The following ZFHX3 variants were observed in gnomAD, a reference collection of about 807,000 sequenced individuals.
ZFHX3 encodes zinc finger homeobox 3, also known as zinc finger homeobox protein 3.
In ZFHX3, 42 loss-of-function variants were observed where a neutral mutation model predicts 279.1. That is an observed-to-expected ratio of 0.15 (90% CI 0.12 to 0.19). The LOEUF (loss-of-function observed/expected upper bound fraction) is 0.19. Ranked by LOEUF, ZFHX3 falls within the 10% of genes least tolerant of loss-of-function variation. ZFHX3 has a pLI of 1.00. For synonymous variants in ZFHX3, 2,293 were observed against 1,957.8 expected (o/e 1.17, Z -4.52); for missense variants, 4,981 against 4,754.0 (o/e 1.05, Z -1.40).
chr16:72,997,506 TCTC>T (rs1259453043), intron 1 of ZFHX3, among the ~76,000 whole-genome samples: 4 of 152,210 alleles, frequency 2.6e-5, no homozygotes, highest in South Asian at 2.1e-4. Context: ...TACACATCTG[TCTC>T]CTCACTTTCC....
chr16:72,890,054 G>T, intron 3 of ZFHX3, 92 bp from the exon 4 acceptor site: 1 of 1,190,806 alleles, frequency 8.4e-7, no homozygotes, highest in Non-Finnish European at 1.2e-6. Flanking sequence ...ACAGCCAGAG[G>T]CATGCCTCCA....
chr16:72,797,038 T>C lies in ZFHX3; in HGVS notation c.5644A>G (p.Ile1882Val). 1 of 1,614,152 alleles carries C rather than the reference T, an allele frequency of 6.2e-7. No homozygotes were observed. The highest frequency in any genetic ancestry group is 8.5e-7 in the Non-Finnish European group (1 of 1,180,038). Residue 1882 changes from isoleucine (I) to valine (V), a missense_variant, in exon 9 of 10, where the codon ATC becomes GTC. Transcript: ENST00000268489. ...TGGCTTTCTTTTTCCTTTTCTTTGA[T>C]GACCAATTTGTTCTTCTTTTCGGGG... The part of the protein sequence containing the change: ...QHPEKKNKLV[I>V]KEKEKESQRE...
At chr16:72,946,239 C>G (rs1960668026) in intron 3 of ZFHX3, among the ~76,000 whole-genome samples, 1 of 152,154 alleles carries the variant, frequency 6.6e-6, no homozygotes, top group Non-Finnish European at 1.5e-5. Flanking sequence ...TACCTCAGGC[C>G]AAGCAGAGTT....
Position 73,077,555 on chromosome 16 carries a change from G to GA in ZFHX3, c.-533+15679dup, listed in dbSNP as rs758871684. Among the ~76,000 whole-genome samples the GA allele has an allele frequency of 4.2e-3, 591 of 139,398 alleles. 6 individuals are homozygous for GA. The highest frequency in any genetic ancestry group is 0.012 in the African/African-American group (466 of 38,204). 91.5% of individuals were successfully genotyped at this position (139,398 alleles called of 152,430 possible). On this transcript the variant is annotated intron_variant, in intron 8 of 17. Coordinates refer to the ZFHX3 transcript ENST00000641206. ...CTTTATCCTGCAAAAAATCTGCTTA[G>GA]AAAAAAAAAAAGGCATATCTACTAG...
chr16:73,043,847 C>T (rs1371091300), intron 1 of ZFHX3, among the ~76,000 whole-genome samples: 1 of 152,230 alleles, frequency 6.6e-6, no homozygotes, highest in Non-Finnish European at 1.5e-5. Flanking sequence ...ATCAATCTGG[C>T]AGTCAACTTT....
At chr16:73,165,231 G>A (rs1053578332) in intron 5 of ZFHX3, among the ~76,000 whole-genome samples, 1 of 152,166 alleles carries the variant, frequency 6.6e-6, no homozygotes, top group Non-Finnish European at 1.5e-5. Flanking sequence ...ACCCCAACCC[G>A]GATGCAAAAC....
intron 5 of ZFHX3, chr16:73,144,430 C>T (rs1423505763): frequency 2.2e-4 from 33 of 152,220 alleles, no homozygotes; most frequent in Admixed American, 2.1e-3. Flanking sequence ...TATCTGGAAT[C>T]AATATCTTTA....
At chr16:73,549,858 T>C (rs777257585) in intron 2 of ZFHX3, among the ~76,000 whole-genome samples, 3 of 151,864 alleles carry the variant, frequency 2.0e-5, no homozygotes, top group Non-Finnish European at 4.4e-5. Context: ...ACATTTGATA[T>C]AGAGACTGAT....
chr16:73,166,821 T>G (rs1193519444), intron 5 of ZFHX3, among the ~76,000 whole-genome samples: 1 of 152,204 alleles, frequency 6.6e-6, no homozygotes. Context: ...CTTAAGTGAT[T>G]TGAGCCTTTT....
intron 2 of ZFHX3, among the ~76,000 whole-genome samples, chr16:73,511,528 C>T (rs532802552): frequency 7.7e-4 from 117 of 152,264 alleles, no homozygotes; most frequent in African/African-American, 2.1e-3. Context: ...CCTTAGGAAA[C>T]GGTCATTACA....
intron 5 of ZFHX3, among the ~76,000 whole-genome samples, chr16:73,231,389 A>G (rs1262325763): frequency 6.6e-6 from 1 of 152,208 alleles, no homozygotes; most frequent in Non-Finnish European, 1.5e-5. Flanking sequence ...GCTTAGCTGA[A>G]CTGCTCAAGA....
At chr16:72,981,877 C>CT (rs34508059) in intron 1 of ZFHX3, among the ~76,000 whole-genome samples, 1,308 of 130,690 alleles carry the variant, frequency 0.01, 17 homozygotes, top group Non-Finnish European at 0.013. Context: ...ACACATTTTC[C>CT]TTTTTTTTTT....
At chr16:73,188,866 CTTT>C (rs67553147) in intron 5 of ZFHX3, among the ~76,000 whole-genome samples, 8 of 138,788 alleles carry the variant, frequency 5.8e-5, no homozygotes, top group Admixed American at 1.4e-4. Flanking sequence ...ATTTCTTTTT[CTTT>C]TTTTTTTTTT....
chr16:73,718,611 A>AT (rs1555534740), intron 1 of ZFHX3, among the ~76,000 whole-genome samples: 16 of 62,656 alleles, frequency 2.6e-4, no homozygotes, highest in African/African-American at 5.0e-4. Flanking sequence ...TTATTTATTT[A>AT]TTATTTATTT....
intron 1 of ZFHX3, among the ~76,000 whole-genome samples, chr16:73,007,597 C>T (rs929151487): frequency 2.0e-5 from 3 of 152,070 alleles, no homozygotes; most frequent in Admixed American, 1.3e-4. Flanking sequence ...CGGGTGCCCA[C>T]CACCGCACCC....
intron 2 of ZFHX3, among the ~76,000 whole-genome samples, chr16:73,482,449 C>A (rs952339463): frequency 6.6e-6 from 1 of 152,114 alleles, no homozygotes; most frequent in Non-Finnish European, 1.5e-5. Context: ...GGCTGACCAC[C>A]GCCTCACCCA....
At chr16:73,135,876 G>C (rs963118794) in intron 6 of ZFHX3, among the ~76,000 whole-genome samples, 1 of 98,990 alleles carries the variant, frequency 1.0e-5, no homozygotes. Flanking sequence ...TTTTTTTTTT[G>C]AGACAGAATC....
rs190787947 is a variant in ZFHX3 at position 73,859,106 on chromosome 16, G to A, written c.-1608+32545C>T. ...TATGAGGAAACATTTCCAAATTTCAGTCCAACATGGGGAATTAGGATCAAA... is the reference window on the plus strand; with the variant it reads ...TATGAGGAAACATTTCCAAATTTCAATCCAACATGGGGAATTAGGATCAAA... On this transcript the variant is annotated intron_variant, in intron 1 of 17. Coordinates refer to the ZFHX3 transcript ENST00000641206. Among the ~76,000 whole-genome samples the A allele has an allele frequency of 2.6e-5, 4 of 152,280 alleles. No homozygotes were observed. In the East Asian group the frequency reaches 5.8e-4, roughly 22 times the overall value.
intron 1 of ZFHX3, among the ~76,000 whole-genome samples, chr16:73,765,615 T>C (rs2053925344): frequency 6.6e-6 from 1 of 152,222 alleles, no homozygotes; most frequent in African/African-American, 2.4e-5. Context: ...ATTTCAGTAG[T>C]GACCAGAGTC....
Sources: gnomAD v4.1 joint callset for allele counts (sites outside exome capture counted in the v4.1 genomes callset) on GRCh38, gnomAD v4.1.1 for gene constraint, MANE v1.5 for transcripts, NCBI Gene and HGNC (gene_info 2026-07-23, HGNC 2026-07-21) for gene names.